RANBP17: variants seen among roughly 807,000 people sequenced by gnomAD.
RANBP17 encodes the protein RAN binding protein 17, also known as ran-binding protein 17.
A neutral mutation model predicts 141.2 loss-of-function variants in RANBP17; 158 were observed. The observed-to-expected ratio is 1.12, with a 90% CI of 0.98 to 1.28. The LOEUF is 1.28. RANBP17 is among the 50% of genes most tolerant of loss of function. The probability of loss-of-function intolerance (pLI) is 0.00; values close to 1 mark genes in which losing one functional copy is unlikely to be tolerated. For missense variants in RANBP17, 1,438 were observed against 1,290.7 expected, an observed-to-expected ratio of 1.11 and a Z score of -1.75; for synonymous variants, 430 against 450.0, an observed-to-expected ratio of 0.96 and a Z score of 0.56.
chr5:170,893,511 G>T (rs1164257534), intron 4 of RANBP17, among the ~76,000 whole-genome samples: 1 of 152,114 alleles, frequency 6.6e-6, no homozygotes, highest in East Asian at 1.9e-4. Context: ...AACATGATCT[G>T]GACTGGGCGT....
intron 3 of RANBP17, among the ~76,000 whole-genome samples, chr5:170,887,792 A>C (rs1769281620): frequency 6.6e-6 from 1 of 152,160 alleles, no homozygotes; most frequent in African/African-American, 2.4e-5. Flanking sequence ...GCATCTGGTG[A>C]GGGCCGTCTT....
chr5:171,107,610 C>T lies in RANBP17; in HGVS notation c.1711-62520C>T, dbSNP rs1045945263. Among the ~76,000 whole-genome samples, 13 of 152,128 alleles carry T rather than the reference C, an allele frequency of 8.5e-5. 1 individual carries two copies. Among genetic ancestry groups the T allele is most frequent in the Non-Finnish European group, 1.9e-4 (13 of 68,028 alleles). On this transcript the variant is annotated intron_variant, in intron 14 of 27. Coordinates refer to ENST00000523189, the MANE Select transcript of RANBP17 (RefSeq NM_022897.5). The stretch of plus-strand genomic sequence containing the variant: ...ACATGCAAATTAAAGATTTTGGTGA[C>T]AAATGAGAACACCCATCATGACTCT...
At chr5:171,294,051 G>C in intron 26 of RANBP17, 70 bp downstream of exon 26, 1 of 1,157,090 alleles carries the variant, frequency 8.6e-7, no homozygotes, top group Non-Finnish European at 1.3e-6. Flanking sequence ...GCTAGGGTGA[G>C]CTGTGATGAC....
chr5:171,215,117 A>G (rs1201847682), intron 21 of RANBP17, among the ~76,000 whole-genome samples: 2 of 145,504 alleles, frequency 1.4e-5, no homozygotes, highest in African/African-American at 5.1e-5. Context: ...ATGTGATCTC[A>G]TTGTTCAACT....
chr5:170,868,990 A>G (rs73802850), intron 1 of RANBP17, among the ~76,000 whole-genome samples: 1,752 of 152,272 alleles, frequency 0.012, 24 homozygotes, highest in African/African-American at 0.038. Flanking sequence ...TATACCAGGT[A>G]TAAGTTTGTT....
intron 14 of RANBP17, among the ~76,000 whole-genome samples, chr5:171,093,209 TCCC>T (rs749648135): frequency 2.7e-5 from 2 of 73,834 alleles, no homozygotes; most frequent in Non-Finnish European, 3.0e-5. Flanking sequence ...GAACTCAGTC[TCCC>T]CCCAAAAAAA....
intron 12 of RANBP17, among the ~76,000 whole-genome samples, chr5:170,933,392 G>GT (rs766655550): frequency 6.6e-6 from 1 of 151,952 alleles, no homozygotes; most frequent in Non-Finnish European, 1.5e-5. Flanking sequence ...TTTTTGAAGG[G>GT]TTTTTTGTGT....
chr5:171,238,318 TAGTCCAAAAGGC>T (rs1470809241), intron 22 of RANBP17, among the ~76,000 whole-genome samples: 1 of 152,186 alleles, frequency 6.6e-6, no homozygotes, highest in Non-Finnish European at 1.5e-5. Context: ...GTATCTGACA[TAGTCCAAAAGGC>T]AGGACATATA....
chr5:171,028,942 G>T, intron 14 of RANBP17: 1 of 1,288,330 alleles, frequency 7.8e-7, no homozygotes, highest in Non-Finnish European at 1.0e-6. Context: ...CCTTGAGAAC[G>T]ATCTGATTCA....
intron 22 of RANBP17, among the ~76,000 whole-genome samples, chr5:171,231,392 G>A (rs1378212570): frequency 1.3e-5 from 2 of 152,090 alleles, no homozygotes; most frequent in African/African-American, 2.4e-5. Flanking sequence ...ACCAGTTCTT[G>A]GGAATTTATA....
intron 7 of RANBP17, among the ~76,000 whole-genome samples, chr5:170,913,461 A>C (rs1047426026): frequency 2.6e-5 from 4 of 152,088 alleles, no homozygotes; most frequent in Non-Finnish European, 5.9e-5. Flanking sequence ...ATACACAACT[A>C]AGCACAGAAA....
intron 14 of RANBP17, among the ~76,000 whole-genome samples, chr5:171,150,312 T>C (rs1198367731): frequency 6.6e-6 from 1 of 152,140 alleles, no homozygotes; most frequent in African/African-American, 2.4e-5. Context: ...CAATTACTTA[T>C]TCTTAGAAAT....
intron 14 of RANBP17, among the ~76,000 whole-genome samples, chr5:171,007,359 G>A (rs904494128): frequency 3.0e-4 from 23 of 77,930 alleles, no homozygotes; most frequent in Non-Finnish European, 5.3e-4. Flanking sequence ...CAGACCAGGT[G>A]TGGAGAGGGA....
At chr5:171,231,378 G>A (rs1412254763) in intron 22 of RANBP17, among the ~76,000 whole-genome samples, 2 of 152,054 alleles carry the variant, frequency 1.3e-5, no homozygotes, top group Admixed American at 6.6e-5. Flanking sequence ...ACAAAGAAAA[G>A]TATACCAGTT....
intron 1 of RANBP17, among the ~76,000 whole-genome samples, chr5:170,871,406 A>G (rs1767716285): frequency 6.6e-6 from 1 of 152,024 alleles, no homozygotes; most frequent in Admixed American, 6.6e-5. Context: ...TTAAGGTTCT[A>G]TGTAAATTCT....
At position 171,183,304 on chromosome 5, in the gene RANBP17, C is replaced by A. The variant is rs199699322; in HGVS notation, c.1930-18C>A. On this transcript the variant is annotated intron_variant, in intron 17 of 27. Transcript: ENST00000523189. ...GGTAAAGTGTTAGTAACTTGGATTA[C>A]TCTTTTGCTTTCATTAGAGTGAACA... is the stretch of plus-strand genomic sequence containing the variant. The A allele has an allele frequency of 4.6e-5, 73 of 1,600,874 alleles. No individual in the cohort carries two copies. The East Asian group carries it at 1.1e-3, about 24-fold the overall frequency.
At chr5:170,946,868 G>A (rs896151764) in intron 12 of RANBP17, among the ~76,000 whole-genome samples, 2 of 152,044 alleles carry the variant, frequency 1.3e-5, no homozygotes, top group Non-Finnish European at 2.9e-5. Flanking sequence ...ACAAAAATGT[G>A]GCAGTAGATA....
At chr5:171,096,850 TGAAGAAGGGGTGGAGGG>T (rs1786730475) in intron 14 of RANBP17, among the ~76,000 whole-genome samples, 1 of 152,124 alleles carries the variant, frequency 6.6e-6, no homozygotes, top group African/African-American at 2.4e-5. Flanking sequence ...CAAAACTCTG[TGAAGAAGGGGTGGAGGG>T]ATGTTTCTAA....
chr5:170,989,620 C>T (rs1269004585), intron 14 of RANBP17, among the ~76,000 whole-genome samples: 1 of 151,678 alleles, frequency 6.6e-6, no homozygotes, highest in African/African-American at 2.4e-5. Flanking sequence ...ATTCCCAAGG[C>T]AAATTAGTAT....
Sources: allele counts gnomAD v4.1 joint callset (sites outside exome capture counted in the v4.1 genomes callset), GRCh38; gene constraint gnomAD v4.1.1; transcripts MANE v1.5; gene names NCBI Gene and HGNC (gene_info 2026-07-23, HGNC 2026-07-21).